DOCK7: variants seen among roughly 807,000 people sequenced by gnomAD.
The protein encoded by DOCK7 is dedicator of cytokinesis 7, also known as dedicator of cytokinesis protein 7.
A neutral mutation model predicts 271.0 loss-of-function variants in DOCK7; 138 were observed. The observed-to-expected ratio is 0.51, with a 90% CI of 0.44 to 0.59. DOCK7 has a LOEUF of 0.59. Ranked by LOEUF, DOCK7 falls within the 20% of genes least tolerant of loss-of-function variation. The pLI is 0.00. For missense variants in DOCK7, 2,066 were observed against 2,592.4 expected (o/e 0.80, Z 4.41); for synonymous variants, 823 against 876.1 (o/e 0.94, Z 1.07).
rs547185552 is a variant in DOCK7, at chr1:62,637,708, G to C, written c.819-1105C>G. Among the ~76,000 whole-genome samples, 19 of 152,280 alleles carry C rather than the reference G, an allele frequency of 1.2e-4. No individual in the cohort carries two copies. In the South Asian group the frequency reaches 1.5e-3, roughly 12 times the overall value. The stretch of plus-strand genomic sequence containing the variant: ...ATAAAGGGACATTTACAAGGATTTG[G>C]ACAGGATCTTGAGGAAACAACTACA... On this transcript the variant is annotated intron_variant, in intron 7 of 49. Transcript: ENST00000635253.
intron 48 of DOCK7, chr1:62,458,312 CT>C (rs1645410959): frequency 6.6e-6 from 1 of 152,110 alleles, no homozygotes. Flanking sequence ...AAATAATCAT[CT>C]TTTGTTTTAG....
chr1:62,663,029 G>T lies in DOCK7; in HGVS notation c.140C>A (p.Thr47Asn). 1 of 1,609,126 alleles carries T rather than the reference G, an allele frequency of 6.2e-7. No individual in the cohort carries two copies. The highest frequency in any genetic ancestry group is 8.5e-7 in the Non-Finnish European group (1 of 1,175,840). The change falls in exon 2 of 50, where the codon ACC (threonine) becomes AAC (asparagine). Residue 47 changes from threonine to asparagine, a missense_variant. This residue lies in a region of DOCK7 where 1,414 missense variants were observed against 1,670.4 expected (regional missense o/e 0.85). Coordinates refer to ENST00000635253, the MANE Select transcript of DOCK7 (RefSeq NM_001367561.1). Reference sequence around the variant, plus strand: ...TATTTTGAATACGTTACTTACTGTGGTGTGATGGGATATATTGCCAACAAT... The same window carrying T: ...TATTTTGAATACGTTACTTACTGTGTTGTGATGGGATATATTGCCAACAAT... ...LNIVGNISHHTTVPLTEAVDP... is the reference protein window; with the variant it reads ...LNIVGNISHHNTVPLTEAVDP...
chr1:62,485,478 G>A (rs1235059769), intron 43 of DOCK7: 3 of 985,264 alleles, frequency 3.0e-6, no homozygotes, highest in African/African-American at 3.5e-5. Flanking sequence ...AAGTTGGGGA[G>A]CAAGTTATCA....
At chr1:62,564,056 C>G (rs983553161) in intron 18 of DOCK7, among the ~76,000 whole-genome samples, 3 of 151,956 alleles carry the variant, frequency 2.0e-5, no homozygotes, top group Non-Finnish European at 4.4e-5. Context: ...TAGAAGAGCA[C>G]CCAGATTCAT....
chr1:62,664,760 C>T (rs11208001), intron 1 of DOCK7, among the ~76,000 whole-genome samples: 58,641 of 149,210 alleles, frequency 0.39, 12,335 homozygotes, highest in African/African-American at 0.56. Context: ...AAACTGCCCC[C>T]TCCCAAAAAA....
At chr1:62,658,730 G>A (rs1032037184) in intron 2 of DOCK7, among the ~76,000 whole-genome samples, 6 of 151,754 alleles carry the variant, frequency 4.0e-5, no homozygotes, top group Admixed American at 2.0e-4. Flanking sequence ...CAGGTGGATC[G>A]ACTGAGCTCA....
At chr1:62,653,264 T>A (rs1657598150) in intron 4 of DOCK7, among the ~76,000 whole-genome samples, 1 of 152,204 alleles carries the variant, frequency 6.6e-6, no homozygotes, top group Non-Finnish European at 1.5e-5. Context: ...TTACAAATAT[T>A]TACCTGATTG....
At chr1:62,673,766 CT>C (rs1260602975) in intron 1 of DOCK7, among the ~76,000 whole-genome samples, 1 of 152,094 alleles carries the variant, frequency 6.6e-6, no homozygotes, top group Non-Finnish European at 1.5e-5. Context: ...CCCACCTTTC[CT>C]TTTTTACAAC....
chr1:62,680,519 A>G (rs932298183), intron 1 of DOCK7, among the ~76,000 whole-genome samples: 29 of 151,748 alleles, frequency 1.9e-4, no homozygotes, highest in Non-Finnish European at 3.8e-4. Context: ...AATGGCAACA[A>G]AAGCCAAAAT....
At chr1:62,470,875 T>C (rs74880964) in intron 48 of DOCK7, among the ~76,000 whole-genome samples, 1,763 of 152,134 alleles carry the variant, frequency 0.012, 36 homozygotes, top group African/African-American at 0.041. Flanking sequence ...AAAAAAATTA[T>C]GATGTCTGTA....
At chr1:62,476,040 A>G in intron 45 of DOCK7, 27 bp downstream of exon 45, 1 of 1,603,348 alleles carries the variant, frequency 6.2e-7, no homozygotes, top group Non-Finnish European at 8.5e-7. Flanking sequence ...AGATGTCTAT[A>G]TGTCATTATA....
Position 62,510,682 on chromosome 1 carries a change from T to C in DOCK7, c.4283-9A>G, listed in dbSNP as rs1644457566. 6.2e-7 allele frequency: 1 copy of C among 1,609,408 alleles called. No homozygotes were observed. The highest frequency in any genetic ancestry group is 1.3e-5 in the African/African-American group (1 of 74,736). On this transcript the variant is annotated splice_polypyrimidine_tract_variant and intron_variant, in intron 33 of 49. Transcript: ENST00000635253. ...TCCAGATGGGCTTCTCTCTGTCAAA[T>C]AAATTTCAAAACCAATTTTCAAATG... is the stretch of plus-strand genomic sequence containing the variant.
At chr1:62,666,358 A>G (rs1659318223) in intron 1 of DOCK7, among the ~76,000 whole-genome samples, 1 of 152,212 alleles carries the variant, frequency 6.6e-6, no homozygotes, top group Non-Finnish European at 1.5e-5. Context: ...TTGTTTAATA[A>G]CAGACATAAA....
intron 23 of DOCK7, among the ~76,000 whole-genome samples, 162 bp from the exon 24 acceptor site, chr1:62,543,907 A>C (rs888287125): frequency 6.6e-6 from 1 of 152,198 alleles, no homozygotes; most frequent in African/African-American, 2.4e-5. Context: ...AAGCTGCTTT[A>C]ATGACAATGC....
At chr1:62,654,233 A>AT in intron 2 of DOCK7, 74 bp from the exon 3 acceptor site, 1 of 1,386,800 alleles carries the variant, frequency 7.2e-7, no homozygotes, top group Admixed American at 2.4e-5. Context: ...CTTAAGGCAA[A>AT]TAACATTTTT....
At chr1:62,620,066 T>G in intron 12 of DOCK7, 73 bp from the exon 13 acceptor site, 4 of 1,232,256 alleles carry the variant, frequency 3.2e-6, no homozygotes, top group Non-Finnish European at 4.6e-6. Flanking sequence ...ACGCCTGTAA[T>G]CCTAGCACTT....
chr1:62,615,839 C>T (rs898685562), intron 14 of DOCK7, among the ~76,000 whole-genome samples: 29 of 151,658 alleles, frequency 1.9e-4, no homozygotes, highest in African/African-American at 6.8e-4. Flanking sequence ...CACTGAGATA[C>T]GTTAAATGAT....
chr1:62,463,169 C>T (rs776985991), intron 48 of DOCK7, among the ~76,000 whole-genome samples: 4 of 152,018 alleles, frequency 2.6e-5, no homozygotes, highest in Non-Finnish European at 5.9e-5. Flanking sequence ...TGTAACTTTA[C>T]AGAGGAGGGA....
intron 14 of DOCK7, among the ~76,000 whole-genome samples, chr1:62,592,884 A>G (rs1191647731): frequency 6.6e-6 from 1 of 152,214 alleles, no homozygotes; most frequent in Non-Finnish European, 1.5e-5. Flanking sequence ...GTCAACATCT[A>G]TGAATGTATA....
Sources: gnomAD v4.1 joint callset for allele counts (sites outside exome capture counted in the v4.1 genomes callset) on GRCh38, gnomAD v4.1.1 for gene constraint, gnomAD v4.1.1 regional missense constraint, MANE v1.5 for transcripts, NCBI Gene and HGNC (gene_info 2026-07-23, HGNC 2026-07-21) for gene names.